The following CYTH1 variants were observed in gnomAD, a reference collection of about 807,000 sequenced individuals.
CYTH1 encodes cytohesin 1, also known as cytohesin-1.
A neutral mutation model predicts 61.8 loss-of-function variants in CYTH1; 18 were observed. The observed-to-expected ratio is 0.29, with a 90% confidence interval of 0.20 to 0.43. CYTH1 has a LOEUF of 0.43. CYTH1 is among the 20% of genes least tolerant of loss of function. The probability of loss-of-function intolerance (pLI) is 1.00; values close to 1 mark genes in which losing one functional copy is unlikely to be tolerated. For synonymous variants in CYTH1, 174 were observed against 184.3 expected (o/e 0.94, Z 0.45); for missense variants, 336 against 510.5 (o/e 0.66, Z 3.29).
chr17:78,753,049 G>A (rs1046329061), intron 1 of CYTH1, among the ~76,000 whole-genome samples: 6 of 152,100 alleles, frequency 3.9e-5, no homozygotes, highest in Non-Finnish European at 8.8e-5. Flanking sequence ...AAAGTCTTAA[G>A]GCACATGTAT....
intron 1 of CYTH1, among the ~76,000 whole-genome samples, chr17:78,750,025 AG>A (rs1343462571): frequency 1.3e-5 from 2 of 152,160 alleles, no homozygotes; most frequent in African/African-American, 4.8e-5. Context: ...ATCAATGGCC[AG>A]GGGGTGAGAA....
intron 11 of CYTH1, among the ~76,000 whole-genome samples, chr17:78,687,474 T>A (rs1244069691): frequency 6.6e-6 from 1 of 151,588 alleles, no homozygotes; most frequent in African/African-American, 2.4e-5. Context: ...GCAGTTGATC[T>A]TCTTCTAGCA....
At chr17:78,723,424 AGAG>A (rs1416630347) in intron 1 of CYTH1, 1 of 152,532 alleles carries the variant, frequency 6.6e-6, no homozygotes, top group Non-Finnish European at 1.5e-5. Context: ...CAGCAGGGGT[AGAG>A]AAGAAGGTGT....
intron 1 of CYTH1, among the ~76,000 whole-genome samples, chr17:78,726,042 CTTTTTTTTTT>C (rs1159169142): frequency 7.6e-6 from 1 of 130,760 alleles, no homozygotes; most frequent in Non-Finnish European, 1.6e-5. Flanking sequence ...ATTCAACAGT[CTTTTTTTTTT>C]TTTTTTTTTG....
At chr17:78,746,693 G>C (rs1215044732) in intron 1 of CYTH1, among the ~76,000 whole-genome samples, 3 of 152,172 alleles carry the variant, frequency 2.0e-5, no homozygotes, top group African/African-American at 7.2e-5. Context: ...TATAATCTCA[G>C]CACTTTGGAA....
rs867751600 is a variant in CYTH1, at chr17:78,770,361, A to G, written c.22+11841T>C. ...AAAAGAAAAGAAAAGAAAAGAAAAA[A>G]AAAAAAACAAAGAAATCTGTGATAT... On this transcript the variant is annotated intron_variant, in intron 1 of 13. Coordinates refer to ENST00000446868, the MANE Select transcript of CYTH1 (RefSeq NM_004762.6). Among the ~76,000 whole-genome samples, 240 of 151,704 alleles carry G rather than the reference A, an allele frequency of 1.6e-3. No individual in the cohort carries two copies. In the Middle Eastern group the frequency reaches 0.017, roughly 11 times the overall value.
At chr17:78,701,344 A>T (rs529051709) in intron 6 of CYTH1, among the ~76,000 whole-genome samples, 1 of 152,348 alleles carries the variant, frequency 6.6e-6, no homozygotes, top group African/African-American at 2.4e-5. Context: ...GAAATGTATA[A>T]CTACTTATTC....
chr17:78,684,954 A>C (rs1010315672), intron 11 of CYTH1, among the ~76,000 whole-genome samples: 2 of 152,166 alleles, frequency 1.3e-5, no homozygotes, highest in African/African-American at 2.4e-5. Context: ...TAATCCCAGC[A>C]CTTTGGGAGG....
Position 78,680,893 on chromosome 17 carries a change from G to A in CYTH1, c.963+78C>T, listed in dbSNP as rs969886150. ...CCTGATCACGCTTTTCAGTTTTTTG[G>A]TTTTGAGTTTTTTAAAAAAAATCTT... On this transcript the variant is annotated intron_variant, in intron 12 of 13. Coordinates refer to ENST00000446868, the MANE Select transcript of CYTH1 (RefSeq NM_004762.6). 6 of 1,462,378 alleles carry A rather than the reference G, an allele frequency of 4.1e-6. No homozygotes were observed. In the African/African-American group the frequency reaches 7.1e-5, roughly 17 times the overall value. The allele number at this position is 1,462,378 out of a possible 1,614,324, so 90.6% of individuals were successfully genotyped here.
intron 1 of CYTH1, among the ~76,000 whole-genome samples, chr17:78,724,289 G>A (rs188089680): frequency 6.6e-6 from 1 of 152,284 alleles, no homozygotes; most frequent in Admixed American, 6.5e-5. Flanking sequence ...AGAGACCCAG[G>A]CCCCTAAGTG....
In CYTH1 at chr17:78,718,218, T is replaced by TACACACACACACACACAC. The variant is rs55803104; in HGVS notation, c.23-8504_23-8487dup. On this transcript the variant is annotated intron_variant, in intron 1 of 13. Transcript: ENST00000446868. The stretch of plus-strand genomic sequence containing the variant: ...ACCTGGAAGTTTCATAAACACTGAA[T>TACACACACACACACACAC]ACACACACACACACACACACACACA... 6.3e-4 allele frequency among the ~76,000 whole-genome samples: 81 copies of TACACACACACACACACAC among 128,394 alleles called. 1 individual carries two copies. Among genetic ancestry groups the TACACACACACACACACAC allele is most frequent in the Middle Eastern group, 3.7e-3 (1 of 270 alleles). The allele number at this position is 128,394 out of a possible 152,430, so 84.2% of individuals were successfully genotyped here.
At chr17:78,713,368 ACATT>A (rs1443930880) in intron 1 of CYTH1, among the ~76,000 whole-genome samples, 1 of 152,194 alleles carries the variant, frequency 6.6e-6, no homozygotes, top group Non-Finnish European at 1.5e-5. Context: ...AATTAAGGCA[ACATT>A]CATTTTTTAA....
intron 1 of CYTH1, among the ~76,000 whole-genome samples, chr17:78,734,732 G>A (rs780617406): frequency 1.3e-5 from 2 of 152,034 alleles, no homozygotes; most frequent in African/African-American, 2.4e-5. Context: ...GAGCCATCGC[G>A]CCCAGCCAGA....
intron 1 of CYTH1, among the ~76,000 whole-genome samples, chr17:78,781,287 T>C (rs1230213460): frequency 6.6e-6 from 1 of 152,358 alleles, no homozygotes; most frequent in East Asian, 1.9e-4. Flanking sequence ...AGTTCACCAC[T>C]TGTTCTATTT....
intron 10 of CYTH1, among the ~76,000 whole-genome samples, chr17:78,695,689 C>T (rs1025558536): frequency 1.3e-5 from 2 of 152,222 alleles, no homozygotes; most frequent in Non-Finnish European, 2.9e-5. Flanking sequence ...AAACATAGCG[C>T]ATGTCTTAGC....
At chr17:78,681,248 C>A (rs1027143875) in intron 11 of CYTH1, among the ~76,000 whole-genome samples, 1 of 152,110 alleles carries the variant, frequency 6.6e-6, no homozygotes, top group Admixed American at 6.5e-5. Flanking sequence ...AAGTCCTCCG[C>A]GAGTAGAAAG....
At chr17:78,676,598 CATGGTA>C (rs1375944713) in intron 13 of CYTH1, 1 of 273,778 alleles carries the variant, frequency 3.7e-6, no homozygotes, top group Non-Finnish European at 7.1e-6. Context: ...TGATAGCTGG[CATGGTA>C]ATGCAGTGGG....
At chr17:78,721,847 C>G (rs2093231715) in intron 1 of CYTH1, among the ~76,000 whole-genome samples, 1 of 152,136 alleles carries the variant, frequency 6.6e-6, no homozygotes, top group Admixed American at 6.5e-5. Flanking sequence ...AGTTCGAGAC[C>G]AGCCTGACCA....
intron 1 of CYTH1, among the ~76,000 whole-genome samples, chr17:78,754,285 T>C (rs944141681): frequency 3.5e-4 from 54 of 152,184 alleles, no homozygotes; most frequent in African/African-American, 1.3e-3. Context: ...AATTTATACT[T>C]CTAGTTTTTA....
Sources: gnomAD v4.1 joint callset for allele counts (sites outside exome capture counted in the v4.1 genomes callset) on GRCh38, gnomAD v4.1.1 for gene constraint, MANE v1.5 for transcripts, NCBI Gene and HGNC (gene_info 2026-07-23, HGNC 2026-07-21) for gene names.